GLRB: variants seen among roughly 807,000 people sequenced by gnomAD.
The protein encoded by GLRB is glycine receptor subunit beta.
In GLRB, 33 loss-of-function variants were observed where a neutral mutation model predicts 54.2. That is an observed-to-expected ratio of 0.61 (90% CI 0.46 to 0.81). GLRB has a LOEUF of 0.81. Ranked by LOEUF, GLRB falls within the 40% of genes least tolerant of loss-of-function variation. The pLI is 0.00. For missense variants in GLRB, 572 were observed against 584.6 expected (o/e 0.98, Z 0.22); for synonymous variants, 209 against 208.2 (o/e 1.00, Z -0.03).
chr4:157,088,425 T>G (rs1734489635), intron 2 of GLRB, among the ~76,000 whole-genome samples: 1 of 152,182 alleles, frequency 6.6e-6, no homozygotes, highest in South Asian at 2.1e-4. Context: ...ATCTAGAATC[T>G]TGGTTGATTT....
chr4:157,155,950 C>T (rs1286786485), intron 9 of GLRB, among the ~76,000 whole-genome samples: 1 of 151,784 alleles, frequency 6.6e-6, no homozygotes, highest in Non-Finnish European at 1.5e-5. Context: ...ATAGAATTGT[C>T]CCTGGGTACT....
intron 4 of GLRB, among the ~76,000 whole-genome samples, chr4:157,125,577 A>G (rs928870933): frequency 6.6e-6 from 1 of 151,776 alleles, no homozygotes; most frequent in African/African-American, 2.4e-5. Flanking sequence ...GTCCTACTGT[A>G]TATGTGTGGC....
At chr4:157,129,270 TGATGG>T (rs1052556013) in intron 4 of GLRB, among the ~76,000 whole-genome samples, 60 of 151,912 alleles carry the variant, frequency 3.9e-4, no homozygotes, top group African/African-American at 1.4e-3. Context: ...GGTCTGTTTC[TGATGG>T]GAATTTGTTT....
At chr4:157,165,449 A>C (rs2126629991) in intron 9 of GLRB, among the ~76,000 whole-genome samples, 1 of 152,094 alleles carries the variant, frequency 6.6e-6, no homozygotes, top group African/African-American at 2.4e-5. Flanking sequence ...AGTGTAATAT[A>C]ATTTGGATTG....
At chr4:157,096,223 G>A (rs992251333) in intron 2 of GLRB, among the ~76,000 whole-genome samples, 1 of 152,138 alleles carries the variant, frequency 6.6e-6, no homozygotes, top group Non-Finnish European at 1.5e-5. Context: ...GGCCTGGCTA[G>A]GAAAGGAGAG....
chr4:157,092,291 G>C (rs6842022), intron 2 of GLRB, among the ~76,000 whole-genome samples: 64,557 of 152,060 alleles, frequency 0.42, 16,388 homozygotes, highest in African/African-American at 0.72. Context: ...TAAGCAATCA[G>C]TTTGCTTCTC....
intron 9 of GLRB, among the ~76,000 whole-genome samples, chr4:157,166,991 G>T (rs1165711857): frequency 6.6e-6 from 1 of 152,084 alleles, no homozygotes; most frequent in East Asian, 1.9e-4. Context: ...TTGGCCATTT[G>T]TTTAGTTATT....
At chr4:157,167,631 A>G (rs1328868344) in intron 9 of GLRB, among the ~76,000 whole-genome samples, 1 of 152,212 alleles carries the variant, frequency 6.6e-6, no homozygotes, top group Non-Finnish European at 1.5e-5. Context: ...TCCTGAAGTC[A>G]TATTTAAAGA....
At chr4:157,125,965 T>C (rs1249494612) in intron 4 of GLRB, among the ~76,000 whole-genome samples, 1 of 151,740 alleles carries the variant, frequency 6.6e-6, no homozygotes, top group African/African-American at 2.4e-5. Context: ...CCTCTGAAAT[T>C]CAAACCATTC....
In GLRB at chr4:157,171,704, G is replaced by A. The variant is rs189528579; in HGVS notation, c.*976G>A. 8.5e-5 allele frequency: 13 copies of A among 152,120 alleles called. No individual in the cohort carries two copies. Among genetic ancestry groups the A allele is most frequent in the Non-Finnish European group, 3.0e-5 (2 of 67,762 alleles). The allele number at this position is 152,120 out of a possible 1,614,324, so 9.4% of individuals were successfully genotyped here. The stretch of plus-strand genomic sequence containing the variant: ...GCATATTTTAAGTAAAATTAAAAAT[G>A]TTTACTGAATTTATTTTTTTATTTG... On this transcript the variant is annotated 3_prime_UTR_variant, in exon 10 of 10. Coordinates refer to ENST00000264428, the MANE Select transcript of GLRB (RefSeq NM_000824.5).
intron 9 of GLRB, among the ~76,000 whole-genome samples, chr4:157,156,366 T>C (rs957832094): frequency 1.3e-5 from 2 of 152,254 alleles, no homozygotes; most frequent in Non-Finnish European, 2.9e-5. Context: ...TTTGTGTACA[T>C]TGATTTTGTA....
At chr4:157,147,921 A>G (rs935983413) in intron 8 of GLRB, among the ~76,000 whole-genome samples, 4 of 152,236 alleles carry the variant, frequency 2.6e-5, no homozygotes, top group African/African-American at 7.2e-5. Context: ...CATAGACAAT[A>G]TATAACTGAA....
At chr4:157,103,160 A>AC (rs202133731) in intron 2 of GLRB, among the ~76,000 whole-genome samples, 5 of 151,300 alleles carry the variant, frequency 3.3e-5, no homozygotes, top group Non-Finnish European at 5.9e-5. Flanking sequence ...AAAAAAACAA[A>AC]AAAAAAAAAA....
At position 157,131,429 on chromosome 4, in the gene GLRB, G is replaced by A. The variant is rs142820816; in HGVS notation, c.298-5040G>A. ...CATTTGTTATCAAACATAATTAGAC[G>A]TTATCCTCCAAAGTTTATCTTTTAT... On this transcript the variant is annotated intron_variant, in intron 4 of 9. Transcript: ENST00000264428. 6.9e-3 allele frequency among the ~76,000 whole-genome samples: 1,052 copies of A among 151,726 alleles called. 11 individuals are homozygous for A. The highest frequency in any genetic ancestry group is 0.024 in the African/African-American group (992 of 41,468).
At position 157,143,841 on chromosome 4, in the gene GLRB, G is replaced by A. The variant is rs780810946; in HGVS notation, c.786G>A (p.Leu262=). ...YYTCVEVIFT[L]RRQVGFYMMG... is the part of the protein sequence containing the mutation. ...CATGCGTGGAAGTCATCTTCACCCTGAGGAGGCAGGTCGGCTTTTACATGA... is the reference window on the plus strand; with the variant it reads ...CATGCGTGGAAGTCATCTTCACCCTAAGGAGGCAGGTCGGCTTTTACATGA... The change falls in exon 8 of 10, where the codon CTG becomes CTA. Residue 262 remains leucine (L), a synonymous_variant. Transcript: ENST00000264428. 91 of 1,613,678 alleles carry A rather than the reference G, an allele frequency of 5.6e-5. No individual in the cohort carries two copies. The highest frequency in any genetic ancestry group is 7.5e-5 in the Non-Finnish European group (89 of 1,179,954).
At chr4:157,078,689 A>G (rs1284256065) in intron 2 of GLRB, among the ~76,000 whole-genome samples, 1 of 152,188 alleles carries the variant, frequency 6.6e-6, no homozygotes, top group African/African-American at 2.4e-5. Flanking sequence ...TGTAGAAAGC[A>G]GGTCATTAAA....
chr4:157,146,004 A>G (rs1736793408), intron 8 of GLRB, among the ~76,000 whole-genome samples: 1 of 151,950 alleles, frequency 6.6e-6, no homozygotes, highest in Admixed American at 6.6e-5. Context: ...CATCTGCTGA[A>G]AAATCCTGAT....
chr4:157,155,796 G>A (rs572795953), intron 9 of GLRB, among the ~76,000 whole-genome samples: 1 of 152,188 alleles, frequency 6.6e-6, no homozygotes, highest in East Asian at 1.9e-4. Context: ...TCTTGTTTGG[G>A]ATTTTTCTCA....
At chr4:157,168,715 TA>T in intron 9 of GLRB, among the ~76,000 whole-genome samples, 1 of 152,166 alleles carries the variant, frequency 6.6e-6, no homozygotes, top group East Asian at 1.9e-4. Context: ...TCTGCAAACA[TA>T]TTTACATAAA....
Sources: allele counts gnomAD v4.1 joint callset (sites outside exome capture counted in the v4.1 genomes callset), GRCh38; gene constraint gnomAD v4.1.1; transcripts MANE v1.5; gene names NCBI Gene and HGNC (gene_info 2026-07-23, HGNC 2026-07-21).